Variants in IDO1 observed in about 807,000 individuals in gnomAD.
The protein encoded by IDO1 is indoleamine 2,3-dioxygenase 1.
In IDO1, 35 loss-of-function variants were observed where a neutral mutation model predicts 38.8. The observed-to-expected ratio is 0.90, with a 90% CI of 0.69 to 1.20. The LOEUF (loss-of-function observed/expected upper bound fraction) is 1.20, where lower values mean the gene tolerates loss of function less well. IDO1 is among the 50% of genes most tolerant of loss of function. The pLI, the probability that IDO1 is intolerant of heterozygous loss-of-function variation, is 0.00. For missense variants in IDO1, 509 were observed against 485.1 expected, an observed-to-expected ratio of 1.05 and a Z score of -0.46; for synonymous variants, 171 against 170.0, an observed-to-expected ratio of 1.01 and a Z score of -0.05.
intron 1 of IDO1, among the ~76,000 whole-genome samples, chr8:39,917,448 A>G (rs1807190662): frequency 6.6e-6 from 1 of 152,242 alleles, no homozygotes; most frequent in African/African-American, 2.4e-5. Context: ...GTGAGCCAAG[A>G]TTGCGCCACT....
intron 4 of IDO1, 181 bp downstream of exon 4, chr8:39,919,114 CAT>C (rs1807230223): frequency 2.7e-6 from 2 of 734,040 alleles, no homozygotes; most frequent in Non-Finnish European, 2.5e-6. Context: ...CAAATGTACA[CAT>C]ATGTGACAGG....
chr8:39,919,181 CTA>C, intron 4 of IDO1: 1 of 606,670 alleles, frequency 1.6e-6, no homozygotes, highest in East Asian at 3.5e-5. Context: ...TTGAATTTAA[CTA>C]TTATATACAT....
At chr8:39,922,139 TA>T (rs1807281983) in intron 5 of IDO1, among the ~76,000 whole-genome samples, 1 of 152,180 alleles carries the variant, frequency 6.6e-6, no homozygotes, top group Admixed American at 6.5e-5. Context: ...TAGCTGGGAT[TA>T]CAGGCGCCCA....
chr8:39,916,866 A>G (rs527589032), intron 1 of IDO1, among the ~76,000 whole-genome samples: 1 of 152,356 alleles, frequency 6.6e-6, no homozygotes, highest in South Asian at 2.1e-4. Flanking sequence ...TGCAGAACAA[A>G]AAAGTATTCT....
At chr8:39,925,117 C>A in intron 8 of IDO1, 106 bp from the exon 9 acceptor site, 3 of 1,040,438 alleles carry the variant, frequency 2.9e-6, no homozygotes, top group South Asian at 1.8e-5. Flanking sequence ...TCATGAAATC[C>A]ATCTCTTGTC....
chr8:39,915,146 GC>G (rs1807155024), intron 1 of IDO1, among the ~76,000 whole-genome samples: 1 of 152,142 alleles, frequency 6.6e-6, no homozygotes, highest in African/African-American at 2.4e-5. Flanking sequence ...TATGTAGCTA[GC>G]AAGTGCCAGA....
chr8:39,917,872 A>T lies in IDO1; in HGVS notation c.88-3A>T. On this transcript the variant is annotated splice_region_variant and splice_polypyrimidine_tract_variant and intron_variant, in intron 1 of 9. Coordinates refer to ENST00000518237, the MANE Select transcript of IDO1 (RefSeq NM_002164.6). ...TAAATAAAGATCTTTTTTTTTTTTC[A>T]AGGAAAATCTACCTGATTTTTATAA... The T allele has an allele frequency of 6.4e-7, 1 of 1,571,730 alleles. No homozygotes were observed. Among genetic ancestry groups the T allele is most frequent in the Admixed American group, 1.8e-5 (1 of 55,812 alleles).
At chr8:39,918,623 A>G (rs769321857) in intron 3 of IDO1, among the ~76,000 whole-genome samples, 192 bp from the exon 4 acceptor site, 36 of 151,498 alleles carry the variant, frequency 2.4e-4, no homozygotes, top group Non-Finnish European at 3.7e-4. Flanking sequence ...GCAGGTGCCT[A>G]TAATCCCAGC....
In IDO1 at chr8:39,928,347, C is replaced by T. The variant is rs1008251432; in HGVS notation, c.*162C>T. The T allele has an allele frequency of 1.8e-6, 1 of 561,346 alleles. No individual in the cohort carries two copies. Among genetic ancestry groups the T allele is most frequent in the Non-Finnish European group, 3.1e-6 (1 of 320,478 alleles). The allele number at this position is 561,346 out of a possible 1,614,324, so 34.8% of individuals were successfully genotyped here. ...CTGTGCATTTCTTGTAGGAAAACAA[C>T]AAAAGGTAATTATGTGTAATTATAC... On this transcript the variant is annotated 3_prime_UTR_variant, in exon 10 of 10. Coordinates refer to ENST00000518237, the MANE Select transcript of IDO1 (RefSeq NM_002164.6).
At chr8:39,922,415 TACATA>T in intron 5 of IDO1, 132 bp from the exon 6 acceptor site, 1 of 648,998 alleles carries the variant, frequency 1.5e-6, no homozygotes, top group Non-Finnish European at 2.8e-6. Context: ...TATTCCCAAC[TACATA>T]ATGGAGATAG....
In IDO1 at chr8:39,924,787, G is replaced by C; in HGVS notation, c.707+15G>C. 1 of 1,578,598 alleles carries C rather than the reference G, an allele frequency of 6.3e-7. No homozygotes were observed. The highest frequency in any genetic ancestry group is 1.1e-5 in the South Asian group (1 of 89,152). On this transcript the variant is annotated intron_variant, in intron 8 of 9. Transcript: ENST00000518237. ...TATTTGTCTGGGTATGTAGTCTTAT[G>C]TTTGAATTTGTTTGCTCTCACTTAA...
At chr8:39,919,986 T>C in intron 4 of IDO1, 114 bp from the exon 5 acceptor site, 1 of 906,092 alleles carries the variant, frequency 1.1e-6, no homozygotes, top group Non-Finnish European at 1.8e-6. Context: ...TACCTATGTC[T>C]TACCTCTGAT....
At position 39,924,757 on chromosome 8, in the gene IDO1, G is replaced by A. The variant is rs745677091; in HGVS notation, c.692G>A (p.Arg231His). 3.2e-5 allele frequency: 51 copies of A among 1,608,824 alleles called. 1 individual carries two copies. The highest frequency in any genetic ancestry group is 2.2e-4 in the South Asian group (20 of 90,636). Residue 231 changes from arginine to histidine, a missense_variant, in exon 8 of 10, where the codon CGC (arginine) becomes CAC (histidine). Arg to His is a conservative substitution (Grantham distance 29, BLOSUM62 0). Coordinates refer to ENST00000518237, the MANE Select transcript of IDO1 (RefSeq NM_002164.6). Reference sequence around the variant, plus strand: ...CCAAAAGCATTTTTCAGTGTTCTTCGCATATATTTGTCTGGGTATGTAGTC... The same window carrying A: ...CCAAAAGCATTTTTCAGTGTTCTTCACATATATTTGTCTGGGTATGTAGTC... Reference protein sequence around the residue: ...VNPKAFFSVLRIYLSGWKGNP... With the variant: ...VNPKAFFSVLHIYLSGWKGNP...
rs747130148 is a variant in IDO1 at position 39,923,600 on chromosome 8, G to T, written c.655+14G>T. On this transcript the variant is annotated intron_variant, in intron 7 of 9. Coordinates refer to ENST00000518237, the MANE Select transcript of IDO1 (RefSeq NM_002164.6). Reference sequence around the variant, plus strand: ...ACCAAATCCACGGCAAGTGTTGTGTGCAGTGCAATAGTCTAGGCTGACAAG... The same window carrying T: ...ACCAAATCCACGGCAAGTGTTGTGTTCAGTGCAATAGTCTAGGCTGACAAG... 3 of 1,459,148 alleles carry T rather than the reference G, an allele frequency of 2.1e-6. No homozygotes were observed. The highest frequency in any genetic ancestry group is 1.4e-5 in the African/African-American group (1 of 71,840). 90.4% of individuals were successfully genotyped at this position (1,459,148 alleles called of 1,614,324 possible).
In IDO1 at chr8:39,923,664, G is replaced by A; in HGVS notation, c.655+78G>A. The A allele has an allele frequency of 6.5e-6, 5 of 772,088 alleles. No homozygotes were observed. The Admixed American group carries it at 7.9e-5, about 12-fold the overall frequency. 47.8% of individuals were successfully genotyped at this position (772,088 alleles called of 1,614,324 possible). On this transcript the variant is annotated intron_variant, in intron 7 of 9. Coordinates refer to ENST00000518237, the MANE Select transcript of IDO1 (RefSeq NM_002164.6). The stretch of plus-strand genomic sequence containing the variant: ...GTGTAGAATAGTTGAAAAAAGGGAA[G>A]CAAAAAGCAACTATCACTTAGTATG...
At chr8:39,915,553 G>T (rs1035468903) in intron 1 of IDO1, 5 of 152,060 alleles carry the variant, frequency 3.3e-5, no homozygotes, top group Non-Finnish European at 7.4e-5. Flanking sequence ...AAAATGAAAA[G>T]TATACTTTAA....
intron 6 of IDO1, 91 bp downstream of exon 6, chr8:39,922,742 C>T: frequency 1.2e-6 from 1 of 813,294 alleles, no homozygotes; most frequent in Non-Finnish European, 2.1e-6. Context: ...CATGAGTTAA[C>T]TTTATCCTTA....
In IDO1 at chr8:39,928,199, G is replaced by C; in HGVS notation, c.*14G>C. ...AAGGAAGGTTAATGTAACCCAACAA[G>C]AGCACATTTTATCATAGCAGAGACA... On this transcript the variant is annotated 3_prime_UTR_variant, in exon 10 of 10. Transcript: ENST00000518237. 1 of 1,570,264 alleles carries C rather than the reference G, an allele frequency of 6.4e-7. No individual in the cohort carries two copies. The highest frequency in any genetic ancestry group is 8.7e-7 in the Non-Finnish European group (1 of 1,150,172).
At chr8:39,925,942 CT>C (rs1295345960) in intron 9 of IDO1, among the ~76,000 whole-genome samples, 1 of 152,046 alleles carries the variant, frequency 6.6e-6, no homozygotes, top group African/African-American at 2.4e-5. Flanking sequence ...AATCCTAGCA[CT>C]TTGGGAGGCC....
Sources: gnomAD v4.1 joint callset for allele counts (sites outside exome capture counted in the v4.1 genomes callset) on GRCh38, gnomAD v4.1.1 for gene constraint, MANE v1.5 for transcripts, NCBI Gene and HGNC (gene_info 2026-07-23, HGNC 2026-07-21) for gene names.